The following UMPS variants were observed in gnomAD, a reference collection of about 807,000 sequenced individuals.
UMPS encodes uridine 5'-monophosphate synthase.
Under a neutral mutation model 38.9 loss-of-function variants are expected in UMPS, and 21 were observed. The ratio of observed to expected loss-of-function variants is 0.54; its 90% CI spans 0.38 to 0.78. The LOEUF is 0.78. Ranked by LOEUF, UMPS falls within the 30% of genes least tolerant of loss-of-function variation. The probability of loss-of-function intolerance (pLI) is 0.00; values close to 1 mark genes in which losing one functional copy is unlikely to be tolerated. For missense variants in UMPS, 533 were observed against 591.6 expected (o/e 0.90, Z 1.03); for synonymous variants, 208 against 219.3 (o/e 0.95, Z 0.45).
chr3:124,733,312 T>A (rs9870260), intron 1 of UMPS: 26,197 of 152,198 alleles, frequency 0.17, 2,471 homozygotes, highest in Admixed American at 0.25. Flanking sequence ...ATATGCTTGT[T>A]ATAATTTAAT....
At chr3:124,730,652 C>T in intron 1 of UMPS, 25 bp downstream of exon 1, 1 of 1,607,236 alleles carries the variant, frequency 6.2e-7, no homozygotes, top group Non-Finnish European at 8.5e-7. Flanking sequence ...AGGGAAAGGA[C>T]AGGGCTTGGT....
intron 2 of UMPS, among the ~76,000 whole-genome samples, chr3:124,735,646 G>A (rs906479935): frequency 6.6e-6 from 1 of 152,152 alleles, no homozygotes; most frequent in Non-Finnish European, 1.5e-5. Flanking sequence ...ATTTTTGTGG[G>A]TTCATGGCAA....
chr3:124,732,125 A>T (rs941648887), intron 1 of UMPS, among the ~76,000 whole-genome samples: 11 of 152,144 alleles, frequency 7.2e-5, no homozygotes, highest in Non-Finnish European at 1.6e-4. Flanking sequence ...TTTCAATGCA[A>T]ATTCTTGGTG....
rs886057875 is a variant in UMPS at position 124,745,619 on chromosome 3, G to A, written c.*1535G>A. The A allele has an allele frequency of 1.3e-5, 6 of 453,962 alleles. No individual in the cohort carries two copies. The highest frequency in any genetic ancestry group is 2.2e-5 in the Non-Finnish European group (5 of 226,794). The allele number at this position is 453,962 out of a possible 1,614,324, so 28.1% of individuals were successfully genotyped here. A position where few individuals can be genotyped will look rare whatever the true frequency, so the allele number is the denominator to read the frequency against. On this transcript the variant is annotated 3_prime_UTR_variant, in exon 6 of 6. Coordinates refer to ENST00000232607, the MANE Select transcript of UMPS (RefSeq NM_000373.4). ...TCATGTCCCCAGTGCTGCATCTCCA[G>A]GGAAATGCTGTCTGTGGGAGAGACC...
chr3:124,734,824 G>C (rs990676285), intron 1 of UMPS, among the ~76,000 whole-genome samples: 2 of 152,106 alleles, frequency 1.3e-5, no homozygotes, highest in Non-Finnish European at 2.9e-5. Flanking sequence ...TTTGAGGCCA[G>C]CCTGACCAAC....
Position 124,747,820 on chromosome 3 carries a change from G to A in UMPS, c.*3736G>A, listed in dbSNP as rs894805604. On this transcript the variant is annotated 3_prime_UTR_variant, in exon 6 of 6. Coordinates refer to ENST00000232607, the MANE Select transcript of UMPS (RefSeq NM_000373.4). Reference sequence around the variant, plus strand: ...GGCTGCATCAGCGATCTCTCCCAGCGAAATAGCTGCTTGGTCTTGTGTGAA... The same window carrying A: ...GGCTGCATCAGCGATCTCTCCCAGCAAAATAGCTGCTTGGTCTTGTGTGAA... 9 of 451,836 alleles carry A rather than the reference G, an allele frequency of 2.0e-5. No individual in the cohort carries two copies. Among genetic ancestry groups the A allele is most frequent in the Non-Finnish European group, 2.7e-5 (6 of 224,970 alleles). 28.0% of individuals were successfully genotyped at this position (451,836 alleles called of 1,614,324 possible).
chr3:124,748,595 G>A lies in UMPS; in HGVS notation c.*4511G>A, dbSNP rs569255721. 1.6e-3 allele frequency: 727 copies of A among 454,066 alleles called. 4 individuals carry two copies. The highest frequency in any genetic ancestry group is 2.7e-3 in the Non-Finnish European group (618 of 226,780). 28.1% of individuals were successfully genotyped at this position (454,066 alleles called of 1,614,324 possible). A position where few individuals can be genotyped will look rare whatever the true frequency, so the allele number is the denominator to read the frequency against. On this transcript the variant is annotated 3_prime_UTR_variant, in exon 6 of 6. Coordinates refer to ENST00000232607, the MANE Select transcript of UMPS (RefSeq NM_000373.4). ...GCTCCTCAGAGTCAGATCCTGGTGT[G>A]GGCTCTCACGTGCTGCTGCTGAATC...
In UMPS at chr3:124,747,315, C is replaced by A; in HGVS notation, c.*3231C>A. 1 of 455,270 alleles carries A rather than the reference C, an allele frequency of 2.2e-6. No homozygotes were observed. The highest frequency in any genetic ancestry group is 1.5e-5 in the South Asian group (1 of 65,242). The allele number at this position is 455,270 out of a possible 1,614,324, so 28.2% of individuals were successfully genotyped here. A position where few individuals can be genotyped will look rare whatever the true frequency, so the allele number is the denominator to read the frequency against. On this transcript the variant is annotated 3_prime_UTR_variant, in exon 6 of 6. Transcript: ENST00000232607. ...CATCTGGGTCATCAGACCTGGCTGT[C>A]AGGGGTGCAGCCACAGGAGAGCCAA...
In UMPS at chr3:124,746,565, C is replaced by T. The variant is rs2063599991; in HGVS notation, c.*2481C>T. On this transcript the variant is annotated 3_prime_UTR_variant, in exon 6 of 6. Coordinates refer to ENST00000232607, the MANE Select transcript of UMPS (RefSeq NM_000373.4). ...TTTTGGAGGCATTAGATAGTTTAAC[C>T]CTTTCTCAGTCAAGGAATATTTACA... 2 of 453,952 alleles carry T rather than the reference C, an allele frequency of 4.4e-6. No individual in the cohort carries two copies. The highest frequency in any genetic ancestry group is 2.0e-5 in the African/African-American group (1 of 49,980). The allele number at this position is 453,952 out of a possible 1,614,324, so 28.1% of individuals were successfully genotyped here.
intron 5 of UMPS, among the ~76,000 whole-genome samples, chr3:124,743,356 G>A (rs2063570288): frequency 7.4e-6 from 1 of 134,816 alleles, no homozygotes; most frequent in Admixed American, 7.8e-5. Flanking sequence ...AAATAAATAG[G>A]GCGGGGCGCA....
chr3:124,735,127 C>G lies in UMPS; in HGVS notation c.191C>G (p.Ala64Gly). The part of the protein sequence containing the change: ...ADILFQTAQN[A>G]GISFDTVCGV... The stretch of plus-strand genomic sequence containing the variant: ...ATTTTATTCCAAACTGCCCAAAATG[C>G]AGGCATCAGTTTTGACACCGTGTGT... The change falls in exon 2 of 6, where the codon GCA becomes GGA. Residue 64 changes from alanine (A) to glycine (G), a missense_variant. Ala to Gly is a moderately conservative substitution (Grantham distance 60). Coordinates refer to ENST00000232607, the MANE Select transcript of UMPS (RefSeq NM_000373.4). 2 of 1,613,964 alleles carry G rather than the reference C, an allele frequency of 1.2e-6. No individual in the cohort carries two copies. Among genetic ancestry groups the G allele is most frequent in the Non-Finnish European group, 8.5e-7 (1 of 1,179,892 alleles).
At chr3:124,743,265 C>CG (rs1579137218) in intron 5 of UMPS, among the ~76,000 whole-genome samples, 1 of 151,636 alleles carries the variant, frequency 6.6e-6, no homozygotes, top group Non-Finnish European at 1.5e-5. Context: ...ATCCGGGAGG[C>CG]GGGGGTTGCA....
chr3:124,735,368 C>T, intron 2 of UMPS, 122 bp downstream of exon 2: 1 of 905,320 alleles, frequency 1.1e-6, no homozygotes, highest in South Asian at 1.6e-5. Flanking sequence ...GTTGTTACTG[C>T]TTGTAGAATT....
chr3:124,748,370 T>TA lies in UMPS; in HGVS notation c.*4287dup, dbSNP rs758324165. 2.6e-5 allele frequency: 12 copies of TA among 453,908 alleles called. No homozygotes were observed. The highest frequency in any genetic ancestry group is 4.9e-5 in the Non-Finnish European group (11 of 226,784). 28.1% of individuals were successfully genotyped at this position (453,908 alleles called of 1,614,324 possible). ...ATTTGTAATTTGGCCTTGTATGAGTTACCCTGCAATCCCTTTGTTTTCCCC... is the reference window on the plus strand; with the variant it reads ...ATTTGTAATTTGGCCTTGTATGAGTTAACCCTGCAATCCCTTTGTTTTCCCC... On this transcript the variant is annotated 3_prime_UTR_variant, in exon 6 of 6. Coordinates refer to ENST00000232607, the MANE Select transcript of UMPS (RefSeq NM_000373.4).
Position 124,730,636 on chromosome 3 carries a change from C to T in UMPS, c.156+9C>T. 1.9e-6 allele frequency: 3 copies of T among 1,610,746 alleles called. No individual in the cohort carries two copies. The highest frequency in any genetic ancestry group is 2.5e-6 in the Non-Finnish European group (3 of 1,177,362). Reference sequence around the variant, plus strand: ...CGCGTCTTCTGAGTCAGGTGCTGGCCTAGGAAGGGAAAGGACAGGGCTTGG... The same window carrying T: ...CGCGTCTTCTGAGTCAGGTGCTGGCTTAGGAAGGGAAAGGACAGGGCTTGG... On this transcript the variant is annotated intron_variant, in intron 1 of 5. Coordinates refer to ENST00000232607, the MANE Select transcript of UMPS (RefSeq NM_000373.4).
At position 124,744,856 on chromosome 3, in the gene UMPS, T is replaced by C. The variant is rs1485472087; in HGVS notation, c.*772T>C. 1 of 454,016 alleles carries C rather than the reference T, an allele frequency of 2.2e-6. No homozygotes were observed. Among genetic ancestry groups the C allele is most frequent in the Non-Finnish European group, 4.4e-6 (1 of 226,806 alleles). 28.1% of individuals were successfully genotyped at this position (454,016 alleles called of 1,614,324 possible). On this transcript the variant is annotated 3_prime_UTR_variant, in exon 6 of 6. Transcript: ENST00000232607. ...TCCATCTCTGGCCTAAAAGTGATAGTCCAGGTATCCACATGGGCTGGTTCC... is the reference window on the plus strand; with the variant it reads ...TCCATCTCTGGCCTAAAAGTGATAGCCCAGGTATCCACATGGGCTGGTTCC...
rs1418389481 is a variant in UMPS at position 124,740,066 on chromosome 3, C to T, written c.1025C>T (p.Ala342Val). 1 of 1,614,166 alleles carries T rather than the reference C, an allele frequency of 6.2e-7. No individual in the cohort carries two copies. The highest frequency in any genetic ancestry group is 2.2e-5 in the East Asian group (1 of 44,884). Residue 342 changes from alanine (A) to valine (V), a missense_variant, in exon 4 of 6, where the codon GCT becomes GTT. Ala to Val is a moderately conservative substitution (Grantham distance 64). Transcript: ENST00000232607. The part of the protein sequence containing the change: ...KIASWADLVN[A>V]HVVPGSGVVK... ...GCTTCCTGGGCAGATCTAGTAAATG[C>T]TCACGTGGTGCCAGGCTCAGGAGTT...
rs577181855 is a variant in UMPS, at chr3:124,743,655, A to AAAATAAAT, written c.1274-240_1274-233dup. On this transcript the variant is annotated intron_variant, in intron 5 of 5. Coordinates refer to ENST00000232607, the MANE Select transcript of UMPS (RefSeq NM_000373.4). ...TCCGTCTCAAAAAAATAAATAAATA[A>AAAATAAAT]AAATAAATAAATAAATAAATAAATA... Among the ~76,000 whole-genome samples, 7 of 151,626 alleles carry AAAATAAAT rather than the reference A, an allele frequency of 4.6e-5. No homozygotes were observed. In the East Asian group the frequency reaches 9.7e-4, roughly 21 times the overall value.
chr3:124,739,127 G>C (rs2063537735), intron 3 of UMPS, among the ~76,000 whole-genome samples: 1 of 152,172 alleles, frequency 6.6e-6, no homozygotes, highest in African/African-American at 2.4e-5. Flanking sequence ...TGACATAAGA[G>C]TTTTATACAA....
Sources: gnomAD v4.1 joint callset for allele counts (sites outside exome capture counted in the v4.1 genomes callset) on GRCh38, gnomAD v4.1.1 for gene constraint, MANE v1.5 for transcripts, NCBI Gene and HGNC (gene_info 2026-07-23, HGNC 2026-07-21) for gene names.